The following SAMD8 variants were observed in gnomAD, a reference collection of about 807,000 sequenced individuals.
SAMD8 encodes the protein sterile alpha motif domain containing 8.
Under a neutral mutation model 42.0 loss-of-function variants are expected in SAMD8, and 20 were observed. The observed-to-expected ratio is 0.48, with a 90% CI of 0.34 to 0.69. The LOEUF is 0.69. SAMD8 is among the 30% of genes least tolerant of loss of function. The pLI, the probability that SAMD8 is intolerant of heterozygous loss-of-function variation, is 0.01. For synonymous variants in SAMD8, 162 were observed against 173.0 expected, an observed-to-expected ratio of 0.94 and a Z score of 0.50; for missense variants, 328 against 511.6, an observed-to-expected ratio of 0.64 and a Z score of 3.46.
At position 75,172,762 on chromosome 10, in the gene SAMD8, C is replaced by T. The variant is rs181761341; in HGVS notation, c.793-3304C>T. The stretch of plus-strand genomic sequence containing the variant: ...CCACCTGCCTCGACCTCCGAAAGTG[C>T]TGGGATTACAGGCGTGAGCCACCGT... On this transcript the variant is annotated intron_variant, in intron 4 of 5. Coordinates refer to ENST00000542569, the MANE Select transcript of SAMD8 (RefSeq NM_001174156.2). Among the ~76,000 whole-genome samples the T allele has an allele frequency of 1.0e-2, 1,521 of 152,162 alleles. 27 individuals are homozygous for T. The highest frequency in any genetic ancestry group is 0.035 in the African/African-American group (1,448 of 41,492).
At chr10:75,145,097 T>C (rs1157097540) in intron 1 of SAMD8, among the ~76,000 whole-genome samples, 2 of 152,212 alleles carry the variant, frequency 1.3e-5, no homozygotes, top group Admixed American at 6.5e-5. Flanking sequence ...TTTTTACTTA[T>C]CTATTTCCTT....
intron 2 of SAMD8, among the ~76,000 whole-genome samples, chr10:75,160,987 G>C (rs1840544180): frequency 6.6e-6 from 1 of 152,142 alleles, no homozygotes; most frequent in Non-Finnish European, 1.5e-5. Context: ...AGGATGGCTT[G>C]ATCCCAGGAG....
At position 75,105,990 on chromosome 10, in the gene SAMD8, CACTCAGCCTT is replaced by C. The variant is rs954860610; in HGVS notation, c.-16+6263_-16+6272del. ...GTGCACTCTGTGATCCTGAGCAAGTCACTCAGCCTTTATGGACCTCAGTTTCCTGATCGGT... is the reference window on the plus strand; with the variant it reads ...GTGCACTCTGTGATCCTGAGCAAGTCTATGGACCTCAGTTTCCTGATCGGT... On this transcript the variant is annotated intron_variant, in intron 1 of 3. Coordinates refer to the SAMD8 transcript ENST00000447533. 136 of 887,190 alleles carry C rather than the reference CACTCAGCCTT, an allele frequency of 1.5e-4. No individual in the cohort carries two copies. The African/African-American group carries it at 2.1e-3, about 14-fold the overall frequency. The allele number at this position is 887,190 out of a possible 1,614,324, so 55.0% of individuals were successfully genotyped here.
chr10:75,168,544 A>T lies in SAMD8; in HGVS notation c.678A>T (p.Ser226=). The change falls in exon 4 of 6, where the codon TCA becomes TCT. Residue 226 remains serine, a synonymous_variant. Transcript: ENST00000542569. Reference sequence around the variant, plus strand: ...CTTTTTGGTTGATCTGTTACAGGTCAATACTTCTGCGAAGGCTCTGTAGTC... The same window carrying T: ...CTTTTTGGTTGATCTGTTACAGGTCTATACTTCTGCGAAGGCTCTGTAGTC... ...LLVLLLHKHR[S]ILLRRLCSLM... 1 of 1,613,116 alleles carries T rather than the reference A, an allele frequency of 6.2e-7. No individual in the cohort carries two copies. Among genetic ancestry groups the T allele is most frequent in the Non-Finnish European group, 8.5e-7 (1 of 1,179,172 alleles).
intron 4 of SAMD8, among the ~76,000 whole-genome samples, chr10:75,171,523 A>G (rs1840867399): frequency 6.6e-6 from 1 of 152,252 alleles, no homozygotes; most frequent in East Asian, 1.9e-4. Context: ...GAAGAAGTAC[A>G]TGTGGTCATA....
At chr10:75,168,406 CTT>C in intron 3 of SAMD8, 133 bp from the exon 4 acceptor site, 1 of 1,488,450 alleles carries the variant, frequency 6.7e-7, no homozygotes. Flanking sequence ...TTTTGATGGT[CTT>C]TAAGATTTCT....
chr10:75,101,339 C>A (rs1018218008), intron 1 of SAMD8, among the ~76,000 whole-genome samples: 1 of 152,166 alleles, frequency 6.6e-6, no homozygotes, highest in African/African-American at 2.4e-5. Flanking sequence ...ATAAATGGCA[C>A]GTCTTACTAT....
intron 1 of SAMD8, among the ~76,000 whole-genome samples, chr10:75,113,304 T>C (rs1236361108): frequency 6.6e-6 from 1 of 152,226 alleles, no homozygotes; most frequent in African/African-American, 2.4e-5. Flanking sequence ...ACATGTCTCA[T>C]ATGTTTTACA....
At chr10:75,166,639 T>G (rs929747403) in intron 3 of SAMD8, among the ~76,000 whole-genome samples, 1 of 152,134 alleles carries the variant, frequency 6.6e-6, no homozygotes, top group South Asian at 2.1e-4. Context: ...TCTCTCCCAT[T>G]TTGTCCTGTT....
intron 1 of SAMD8, among the ~76,000 whole-genome samples, chr10:75,120,747 G>A (rs940347842): frequency 1.1e-4 from 16 of 140,878 alleles, no homozygotes; most frequent in Non-Finnish European, 2.3e-4. Flanking sequence ...GCTTAATTAC[G>A]TTGTTATGTT....
At chr10:75,146,272 CTTTTTTTTTTT>C (rs202162176) in intron 1 of SAMD8, among the ~76,000 whole-genome samples, 18 of 68,142 alleles carry the variant, frequency 2.6e-4, no homozygotes, top group East Asian at 6.9e-4. Context: ...TGTCTTGACA[CTTTTTTTTTTT>C]TTTTTTTTTT....
chr10:75,151,467 C>A (rs1264213052), intron 2 of SAMD8, among the ~76,000 whole-genome samples: 1 of 151,748 alleles, frequency 6.6e-6, no homozygotes, highest in African/African-American at 2.4e-5. Context: ...AATCCTCCCA[C>A]CTCAGCCTCC....
chr10:75,142,188 TC>T (rs1461151009), intron 1 of SAMD8, among the ~76,000 whole-genome samples: 1 of 152,040 alleles, frequency 6.6e-6, no homozygotes, highest in African/African-American at 2.4e-5. Context: ...CCTGAGGTGA[TC>T]CGCCTGTCTC....
intron 1 of SAMD8, among the ~76,000 whole-genome samples, chr10:75,119,723 A>C (rs1451050300): frequency 6.6e-6 from 1 of 152,212 alleles, no homozygotes; most frequent in Non-Finnish European, 1.5e-5. Context: ...GCTTCTGTAA[A>C]AGTAAGCATA....
upstream of SAMD8, chr10:75,107,995 C>A (rs41280430): frequency 2.5e-6 from 4 of 1,611,300 alleles, no homozygotes; most frequent in Admixed American, 5.0e-5. Context: ...GTCCTACCCC[C>A]AGGCGTGTTG....
At chr10:75,148,897 T>C (rs1199524729) in intron 1 of SAMD8, among the ~76,000 whole-genome samples, 1 of 152,212 alleles carries the variant, frequency 6.6e-6, no homozygotes, top group Non-Finnish European at 1.5e-5. Flanking sequence ...TAGAGAAAAG[T>C]ATAGATCACA....
upstream of SAMD8, among the ~76,000 whole-genome samples, chr10:75,110,590 C>A (rs767630462): frequency 6.6e-6 from 1 of 152,144 alleles, no homozygotes; most frequent in African/African-American, 2.4e-5. Context: ...GAGGCAAGAC[C>A]AAGGAGGGGC....
At chr10:75,113,141 C>T (rs1252830439) in intron 1 of SAMD8, among the ~76,000 whole-genome samples, 3 of 152,184 alleles carry the variant, frequency 2.0e-5, no homozygotes, top group Non-Finnish European at 4.4e-5. Flanking sequence ...GGTGGGTATA[C>T]AGATGCTTTT....
upstream of SAMD8, among the ~76,000 whole-genome samples, chr10:75,107,659 C>T (rs1848597846): frequency 6.6e-6 from 1 of 152,042 alleles, no homozygotes; most frequent in African/African-American, 2.4e-5. Context: ...TCACTGCAAC[C>T]TCCGCCCCCC....
Sources: allele counts gnomAD v4.1 joint callset (sites outside exome capture counted in the v4.1 genomes callset), GRCh38; gene constraint gnomAD v4.1.1; transcripts MANE v1.5; gene names NCBI Gene and HGNC (gene_info 2026-07-23, HGNC 2026-07-21).